Variants in KCNIP4 observed in about 807,000 individuals in gnomAD.
The protein encoded by KCNIP4 is Kv channel-interacting protein 4.
In KCNIP4, 12 loss-of-function variants were observed where a neutral mutation model predicts 34.0. That is an observed-to-expected ratio of 0.35 (90% CI 0.23 to 0.57). The LOEUF (loss-of-function observed/expected upper bound fraction) is 0.57. Ranked by LOEUF, KCNIP4 falls within the 20% of genes least tolerant of loss-of-function variation. The pLI is 0.83. For missense variants in KCNIP4, 238 were observed against 311.7 expected, an observed-to-expected ratio of 0.76 and a Z score of 1.78; for synonymous variants, 124 against 102.2, an observed-to-expected ratio of 1.21 and a Z score of -1.29.
intron 1 of KCNIP4, among the ~76,000 whole-genome samples, chr4:21,914,818 C>T (rs1996130): frequency 0.23 from 34,926 of 152,056 alleles, 4,794 homozygotes; most frequent in South Asian, 0.31. Context: ...TCAAGGTTTA[C>T]CACTCTGTTC....
At chr4:21,493,069 C>T (rs1017149599) in intron 1 of KCNIP4, among the ~76,000 whole-genome samples, 1 of 152,164 alleles carries the variant, frequency 6.6e-6, no homozygotes, top group African/African-American at 2.4e-5. Flanking sequence ...TTATAGCTTT[C>T]TCGTCTTTGG....
intron 1 of KCNIP4, among the ~76,000 whole-genome samples, chr4:20,968,945 T>G (rs1202360142): frequency 6.6e-6 from 1 of 152,016 alleles, no homozygotes; most frequent in Non-Finnish European, 1.5e-5. Context: ...AAAATAAAAG[T>G]AAATAGAGAT....
In KCNIP4 at chr4:21,369,097, T is replaced by C. The variant is rs1378916337; in HGVS notation, c.62-486388A>G. Among the ~76,000 whole-genome samples the C allele has an allele frequency of 4.1e-5, 6 of 147,128 alleles. 1 individual carries two copies. Among genetic ancestry groups the C allele is most frequent in the African/African-American group, 1.6e-4 (6 of 36,804 alleles). ...AGCTCCTGTTTTATCACTTACTAGC[T>C]GAATGGTCTTGAGAAATTAAGGTAA... On this transcript the variant is annotated intron_variant, in intron 1 of 8. Transcript: ENST00000382152.
intron 1 of KCNIP4, among the ~76,000 whole-genome samples, chr4:21,143,663 T>A (rs1752138781): frequency 1.3e-5 from 2 of 152,178 alleles, no homozygotes; most frequent in South Asian, 4.1e-4. Flanking sequence ...CACTTGGTGT[T>A]TTCAATGGAC....
chr4:20,972,197 T>A (rs1735023063), intron 1 of KCNIP4, among the ~76,000 whole-genome samples: 1 of 152,054 alleles, frequency 6.6e-6, no homozygotes, highest in Admixed American at 6.6e-5. Flanking sequence ...TTTTCCAAAC[T>A]CCTGTTAGTG....
At chr4:21,410,018 G>A (rs1269841613) in intron 1 of KCNIP4, among the ~76,000 whole-genome samples, 1 of 152,148 alleles carries the variant, frequency 6.6e-6, no homozygotes, top group African/African-American at 2.4e-5. Flanking sequence ...AGAAAAATAA[G>A]CACAATTTGT....
intron 1 of KCNIP4, among the ~76,000 whole-genome samples, chr4:20,949,569 C>T (rs375938623): frequency 3.3e-5 from 5 of 150,438 alleles, no homozygotes; most frequent in African/African-American, 7.3e-5. Context: ...GTATGTTTAT[C>T]GCGGCACTAT....
At chr4:21,491,102 C>T (rs1342249936) in intron 1 of KCNIP4, among the ~76,000 whole-genome samples, 1 of 152,010 alleles carries the variant, frequency 6.6e-6, no homozygotes, top group African/African-American at 2.4e-5. Flanking sequence ...GTAGAATATG[C>T]CAGATGTGAC....
chr4:21,377,928 T>C (rs1357843493), intron 1 of KCNIP4, among the ~76,000 whole-genome samples: 1 of 152,204 alleles, frequency 6.6e-6, no homozygotes, highest in Non-Finnish European at 1.5e-5. Context: ...GATCAGGTGG[T>C]GTTTCACTGG....
At chr4:21,849,812 A>G (rs1039388650) in intron 1 of KCNIP4, 1 of 152,090 alleles carries the variant, frequency 6.6e-6, no homozygotes, top group South Asian at 2.1e-4. Flanking sequence ...TACTAAATTA[A>G]TTACATATTA....
At position 21,671,441 on chromosome 4, in the gene KCNIP4, A is replaced by G. The variant is rs543532090; in HGVS notation, c.61+277130T>C. Among the ~76,000 whole-genome samples, 3 of 152,326 alleles carry G rather than the reference A, an allele frequency of 2.0e-5. No individual in the cohort carries two copies. In the East Asian group the frequency reaches 5.8e-4, roughly 29 times the overall value. On this transcript the variant is annotated intron_variant, in intron 1 of 8. Transcript: ENST00000382152. Reference sequence around the variant, plus strand: ...TCCCATCATAAAGTGGTTTAGCTCCATTTTAAAATTATAGGGGAGGCCTAG... The same window carrying G: ...TCCCATCATAAAGTGGTTTAGCTCCGTTTTAAAATTATAGGGGAGGCCTAG...
intron 1 of KCNIP4, among the ~76,000 whole-genome samples, chr4:21,348,997 T>C (rs1717739064): frequency 6.6e-6 from 1 of 152,126 alleles, no homozygotes; most frequent in Non-Finnish European, 1.5e-5. Flanking sequence ...GTCAATTACT[T>C]TGTGGTGGGA....
At chr4:21,366,678 GA>G (rs1179612616) in intron 1 of KCNIP4, among the ~76,000 whole-genome samples, 3 of 151,976 alleles carry the variant, frequency 2.0e-5, no homozygotes, top group South Asian at 2.1e-4. Flanking sequence ...AGGGATGAGG[GA>G]AAAAAACACA....
At chr4:21,243,602 T>C (rs752247696) in intron 1 of KCNIP4, among the ~76,000 whole-genome samples, 11 of 152,116 alleles carry the variant, frequency 7.2e-5, no homozygotes, top group Non-Finnish European at 1.6e-4. Flanking sequence ...TATTAGAGCC[T>C]TATATGCAGT....
chr4:21,477,081 A>T (rs765072464), intron 1 of KCNIP4, among the ~76,000 whole-genome samples: 1 of 152,128 alleles, frequency 6.6e-6, no homozygotes, highest in Non-Finnish European at 1.5e-5. Flanking sequence ...TTAAAAATCA[A>T]TGTGTGTTGT....
At chr4:20,814,176 C>A (rs891917201) in intron 3 of KCNIP4, among the ~76,000 whole-genome samples, 15 of 152,158 alleles carry the variant, frequency 9.9e-5, no homozygotes, top group Non-Finnish European at 2.2e-4. Flanking sequence ...CAGGTCCCAT[C>A]CCAGGAGAAC....
intron 3 of KCNIP4, among the ~76,000 whole-genome samples, chr4:20,847,499 C>T (rs1208228364): frequency 1.3e-5 from 2 of 152,088 alleles, no homozygotes; most frequent in Non-Finnish European, 2.9e-5. Flanking sequence ...TTCTGAGGCT[C>T]CTTATAGGTG....
intron 1 of KCNIP4, among the ~76,000 whole-genome samples, chr4:21,441,073 T>C (rs1286181664): frequency 6.6e-6 from 1 of 152,060 alleles, no homozygotes. Flanking sequence ...TCATCTTCTG[T>C]ATCAAATTTA....
At chr4:21,206,306 C>T (rs1036001930) in intron 1 of KCNIP4, among the ~76,000 whole-genome samples, 1 of 152,150 alleles carries the variant, frequency 6.6e-6, no homozygotes, top group Admixed American at 6.6e-5. Flanking sequence ...TTTCTGGATA[C>T]TGCAGTAGCT....
Sources: gnomAD v4.1 joint callset for allele counts (sites outside exome capture counted in the v4.1 genomes callset) on GRCh38, gnomAD v4.1.1 for gene constraint, MANE v1.5 for transcripts, NCBI Gene and HGNC (gene_info 2026-07-23, HGNC 2026-07-21) for gene names.